KAZN: variants seen among roughly 807,000 people sequenced by gnomAD.
The protein encoded by KAZN is kazrin.
KAZN carries 40 observed loss-of-function variants against 87.4 expected under a neutral mutation model. The ratio of observed to expected loss-of-function variants is 0.46; its 90% CI spans 0.36 to 0.60. KAZN has a LOEUF of 0.60. Among genes scored for constraint, KAZN ranks in the 20% least tolerant of loss-of-function variants. KAZN has a pLI of 0.00. For missense variants in KAZN, 898 were observed against 1,073.9 expected (o/e 0.84, Z 2.29); for synonymous variants, 466 against 458.3 (o/e 1.02, Z -0.22).
intron 2 of KAZN, among the ~76,000 whole-genome samples, chr1:15,008,316 C>G (rs1379668008): frequency 6.6e-6 from 1 of 152,128 alleles, no homozygotes; most frequent in African/African-American, 2.4e-5. Flanking sequence ...GCAGGTGTTA[C>G]AGTGGATCCT....
chr1:14,545,123 C>A (rs1169523704), intron 2 of KAZN, among the ~76,000 whole-genome samples: 2 of 152,220 alleles, frequency 1.3e-5, no homozygotes, highest in African/African-American at 4.8e-5. Context: ...TCCTTATAAT[C>A]TTATTTCTCT....
At chr1:14,976,048 AAAAAAGCAAAG>A (rs1427452165) in intron 2 of KAZN, among the ~76,000 whole-genome samples, 1 of 144,274 alleles carries the variant, frequency 6.9e-6, no homozygotes, top group Non-Finnish European at 1.5e-5. Flanking sequence ...AAAAAAAAAA[AAAAAAGCAAAG>A]AAAGTACACT....
At chr1:14,180,804 T>G (rs11802748) in intron 2 of KAZN, among the ~76,000 whole-genome samples, 1,962 of 152,334 alleles carry the variant, frequency 0.013, 41 homozygotes, top group African/African-American at 0.043. Flanking sequence ...GTAATACAGC[T>G]TAAGAACAGT....
At chr1:15,027,762 C>A (rs180859576) in intron 2 of KAZN, among the ~76,000 whole-genome samples, 37 of 152,342 alleles carry the variant, frequency 2.4e-4, no homozygotes, top group Middle Eastern at 3.4e-3. Context: ...CCAGGGTACA[C>A]CCAGGCTGGA....
chr1:14,972,822 C>T (rs1425678490), intron 2 of KAZN, among the ~76,000 whole-genome samples: 1 of 151,926 alleles, frequency 6.6e-6, no homozygotes, highest in Non-Finnish European at 1.5e-5. Flanking sequence ...GCCGTGAGCT[C>T]TTTTTGTAGA....
At chr1:14,826,535 G>GCTCGTTC (rs2100851879) in intron 1 of KAZN, among the ~76,000 whole-genome samples, 1 of 152,276 alleles carries the variant, frequency 6.6e-6, no homozygotes, top group East Asian at 1.9e-4. Flanking sequence ...GCGGCTGATG[G>GCTCGTTC]CCCGTTCCCC....
chr1:15,033,470 G>GT (rs1446180822), intron 2 of KAZN, among the ~76,000 whole-genome samples: 5 of 152,320 alleles, frequency 3.3e-5, no homozygotes, highest in Middle Eastern at 3.4e-3. Context: ...GTAAGTTGAT[G>GT]CTTAATCTTT....
chr1:14,731,282 C>T (rs1218702725), intron 1 of KAZN, among the ~76,000 whole-genome samples: 6 of 152,154 alleles, frequency 3.9e-5, no homozygotes, highest in Non-Finnish European at 7.4e-5. Context: ...CACCCATTTT[C>T]CCATCTGTTT....
intron 2 of KAZN, among the ~76,000 whole-genome samples, chr1:14,982,245 A>G (rs1666321637): frequency 6.6e-6 from 1 of 152,046 alleles, no homozygotes. Context: ...CACACGCCTG[A>G]CCACTGTACC....
chr1:14,587,385 G>A lies in KAZN; in HGVS notation c.250-11598G>A, dbSNP rs201949828. 3.1e-4 allele frequency among the ~76,000 whole-genome samples: 46 copies of A among 150,666 alleles called. No homozygotes were observed. In the East Asian group the frequency reaches 7.6e-3, roughly 25 times the overall value. On this transcript the variant is annotated intron_variant, in intron 2 of 16. Transcript: ENST00000636203. ...CGGGAGGCAGAGGTTGCAGTGAGCC[G>A]AGATTGTGCCACTGCACTCCAGCCT...
chr1:13,893,682 C>T, exon 1 of KAZN: 3 of 1,550,414 alleles, frequency 1.9e-6, no homozygotes, highest in South Asian at 2.4e-5. Context: ...TCCACGCTGG[C>T]GACATCCAAT....
chr1:14,551,880 C>T lies in KAZN; in HGVS notation c.250-47103C>T, dbSNP rs563894878. ...GCTACCTAGAATCCTTCTCACCCCT[C>T]CTTGGCCCCGTGGGATGAAAAAGCA... On this transcript the variant is annotated intron_variant, in intron 2 of 16. Coordinates refer to the KAZN transcript ENST00000636203. Among the ~76,000 whole-genome samples, 7 of 152,284 alleles carry T rather than the reference C, an allele frequency of 4.6e-5. 1 individual carries two copies. The highest frequency in any genetic ancestry group is 1.7e-4 in the African/African-American group (7 of 41,558).
At chr1:13,987,523 C>T (rs1639077976) in intron 1 of KAZN, among the ~76,000 whole-genome samples, 2 of 152,070 alleles carry the variant, frequency 1.3e-5, no homozygotes, top group Non-Finnish European at 2.9e-5. Flanking sequence ...TAACATAATA[C>T]CACAGACTGG....
At chr1:14,661,064 C>T (rs1331210085) in intron 1 of KAZN, among the ~76,000 whole-genome samples, 1 of 152,052 alleles carries the variant, frequency 6.6e-6, no homozygotes, top group African/African-American at 2.4e-5. Context: ...TGTGCCGAGC[C>T]CTGTATTAGG....
chr1:14,885,502 C>CTT (rs1307645423), intron 1 of KAZN, among the ~76,000 whole-genome samples: 1 of 152,090 alleles, frequency 6.6e-6, no homozygotes, highest in African/African-American at 2.4e-5. Flanking sequence ...CCTTTATTTC[C>CTT]TTTTTTTATT....
chr1:14,051,331 A>G (rs1170980559), intron 1 of KAZN, among the ~76,000 whole-genome samples: 1 of 152,112 alleles, frequency 6.6e-6, no homozygotes, highest in East Asian at 1.9e-4. Flanking sequence ...GGGCCCTAGG[A>G]CAGGGCCCCA....
chr1:14,326,481 C>T (rs1656431926), intron 2 of KAZN, among the ~76,000 whole-genome samples: 1 of 152,224 alleles, frequency 6.6e-6, no homozygotes, highest in South Asian at 2.1e-4. Flanking sequence ...GCCGTTGACT[C>T]TCCATTCTAA....
intron 1 of KAZN, among the ~76,000 whole-genome samples, chr1:14,681,629 A>ATATATGTG (rs1640605366): frequency 9.5e-5 from 1 of 10,478 alleles, no homozygotes; most frequent in African/African-American, 3.0e-4. Context: ...ATATATATAT[A>ATATATGTG]TATATATATA....
chr1:14,839,934 A>G (rs1302703996), intron 1 of KAZN, among the ~76,000 whole-genome samples: 1 of 151,972 alleles, frequency 6.6e-6, no homozygotes, highest in Non-Finnish European at 1.5e-5. Context: ...CTGGGGGAGG[A>G]AGAGCCAAAT....
Sources: allele counts gnomAD v4.1 joint callset (sites outside exome capture counted in the v4.1 genomes callset), GRCh38; gene constraint gnomAD v4.1.1; transcripts MANE v1.5; gene names NCBI Gene and HGNC (gene_info 2026-07-23, HGNC 2026-07-21).